The following ASIC2 variants were observed in gnomAD, a reference collection of about 807,000 sequenced individuals.
The protein encoded by ASIC2 is acid sensing ion channel subunit 2.
A neutral mutation model predicts 57.3 loss-of-function variants in ASIC2; 25 were observed. That is an observed-to-expected ratio of 0.44 (90% CI 0.32 to 0.61). The LOEUF is 0.61. Ranked by LOEUF, ASIC2 falls within the 20% of genes least tolerant of loss-of-function variation. The pLI is 0.06. For synonymous variants in ASIC2, 319 were observed against 307.5 expected (o/e 1.04, Z -0.39); for missense variants, 641 against 738.1 (o/e 0.87, Z 1.52).
intron 1 of ASIC2, among the ~76,000 whole-genome samples, chr17:33,289,686 G>C: frequency 6.6e-6 from 1 of 152,208 alleles, no homozygotes; most frequent in South Asian, 2.1e-4. Context: ...TTTTAAAAAT[G>C]GGAATAAAAC....
chr17:33,582,337 A>T (rs545310786), intron 1 of ASIC2, among the ~76,000 whole-genome samples: 1 of 152,364 alleles, frequency 6.6e-6, no homozygotes, highest in East Asian at 1.9e-4. Context: ...AAATGTTAAA[A>T]GGATAAGCAA....
chr17:34,105,850 C>G (rs945221883), intron 1 of ASIC2, among the ~76,000 whole-genome samples: 72 of 151,884 alleles, frequency 4.7e-4, no homozygotes, highest in African/African-American at 1.6e-3. Flanking sequence ...CAATGTGTTT[C>G]CCAAGAGTAG....
rs574546464 is a variant in ASIC2 at position 33,759,591 on chromosome 17, C to G, written c.555+396387G>C. On this transcript the variant is annotated intron_variant, in intron 1 of 9. Transcript: ENST00000359872. ...GCCATTTCAGAGATCTTTGAGGCTGCCCCTCCCATCACAGGTTCAGAGGCC... is the reference window on the plus strand; with the variant it reads ...GCCATTTCAGAGATCTTTGAGGCTGGCCCTCCCATCACAGGTTCAGAGGCC... 2.6e-5 allele frequency among the ~76,000 whole-genome samples: 4 copies of G among 152,158 alleles called. No homozygotes were observed. In the South Asian group the frequency reaches 8.3e-4, roughly 32 times the overall value.
At chr17:33,991,627 AG>A (rs1354593496) in intron 1 of ASIC2, among the ~76,000 whole-genome samples, 3 of 152,190 alleles carry the variant, frequency 2.0e-5, no homozygotes, top group Non-Finnish European at 4.4e-5. Flanking sequence ...GAATTCCCCA[AG>A]GCAATGCACT....
At position 33,291,798 on chromosome 17, in the gene ASIC2, G is replaced by T. The variant is rs1387995379; in HGVS notation, c.318C>A (p.Asn106Lys). 6.2e-7 allele frequency: 1 copy of T among 1,613,508 alleles called. No homozygotes were observed. Among genetic ancestry groups the T allele is most frequent in the Non-Finnish European group, 8.5e-7 (1 of 1,179,872 alleles). ...SFGLLLSWSS[N>K]RLLYWLSFPS... ...GGAAGCTGAGCCAGTAGAGCAAGCG[G>T]TTCGAGGACCAGGACAGCAGCAAGC... The change falls in exon 1 of 10, where the codon AAC becomes AAA. Residue 106 changes from asparagine to lysine, a missense_variant. Physicochemically the swap from Asn to Lys is moderately conservative, Grantham distance 94. Coordinates refer to ENST00000225823, the MANE Select transcript of ASIC2 (RefSeq NM_183377.2).
At chr17:33,183,165 C>T (rs780471567) in intron 1 of ASIC2, among the ~76,000 whole-genome samples, 17 of 152,226 alleles carry the variant, frequency 1.1e-4, no homozygotes, top group Non-Finnish European at 4.4e-5. Flanking sequence ...TGTAATCCCT[C>T]ATACTCGAAA....
At chr17:33,714,806 C>CTTTTTTTTTT (rs11323251) in intron 1 of ASIC2, among the ~76,000 whole-genome samples, 1 of 124,106 alleles carries the variant, frequency 8.1e-6, no homozygotes, top group Non-Finnish European at 1.7e-5. Flanking sequence ...ATTCTGTGAC[C>CTTTTTTTTTT]TTTTTTTTTT....
intron 1 of ASIC2, among the ~76,000 whole-genome samples, chr17:34,108,962 T>A (rs1294625278): frequency 6.6e-6 from 1 of 152,066 alleles, no homozygotes; most frequent in Non-Finnish European, 1.5e-5. Context: ...TGGTTAGTGG[T>A]GTTTGCATGG....
At chr17:33,020,725 G>T (rs1389894951) in intron 7 of ASIC2, among the ~76,000 whole-genome samples, 2 of 152,162 alleles carry the variant, frequency 1.3e-5, no homozygotes, top group Non-Finnish European at 2.9e-5. Flanking sequence ...AGTCCAGGGG[G>T]CAACACCTGG....
chr17:33,295,655 C>T (rs979815414), upstream of ASIC2, among the ~76,000 whole-genome samples: 4 of 152,138 alleles, frequency 2.6e-5, no homozygotes, highest in African/African-American at 9.7e-5. Flanking sequence ...GGGACTACAC[C>T]TCCTTCATAT....
intron 1 of ASIC2, among the ~76,000 whole-genome samples, chr17:33,385,520 A>G (rs2141949070): frequency 6.6e-6 from 1 of 152,342 alleles, no homozygotes; most frequent in South Asian, 2.1e-4. Flanking sequence ...GCATTTTAAC[A>G]ACTTTCATTA....
chr17:33,776,330 A>G (rs973292353), intron 1 of ASIC2, among the ~76,000 whole-genome samples: 1 of 152,168 alleles, frequency 6.6e-6, no homozygotes, highest in African/African-American at 2.4e-5. Context: ...CCTGTCTGCC[A>G]TGTAAGGTTA....
chr17:34,137,573 C>T (rs575809862), intron 1 of ASIC2, among the ~76,000 whole-genome samples: 7 of 152,318 alleles, frequency 4.6e-5, no homozygotes, highest in Non-Finnish European at 7.3e-5. Flanking sequence ...TCTTTGTGTC[C>T]GTTGGGTGTT....
chr17:33,738,904 C>G (rs948410691), intron 1 of ASIC2, among the ~76,000 whole-genome samples: 5 of 152,178 alleles, frequency 3.3e-5, no homozygotes, highest in African/African-American at 7.2e-5. Context: ...TGCTCCCACC[C>G]TAGGAAGCTT....
At chr17:33,118,796 C>A (rs1255637699) in intron 1 of ASIC2, among the ~76,000 whole-genome samples, 2 of 152,096 alleles carry the variant, frequency 1.3e-5, no homozygotes, top group African/African-American at 4.8e-5. Context: ...TTCCTCGAAG[C>A]CTTCTGTTTG....
chr17:33,378,278 TA>T (rs1410402921), intron 1 of ASIC2, among the ~76,000 whole-genome samples: 1 of 152,266 alleles, frequency 6.6e-6, no homozygotes, highest in African/African-American at 2.4e-5. Context: ...CTCTGCTAGC[TA>T]AACATTGTGG....
chr17:33,112,311 C>T (rs1273088895), intron 1 of ASIC2, among the ~76,000 whole-genome samples: 1 of 152,174 alleles, frequency 6.6e-6, no homozygotes, highest in Non-Finnish European at 1.5e-5. Flanking sequence ...GATCTGGTCT[C>T]TTCTTCCTCT....
chr17:33,411,797 G>A (rs1437547991), intron 1 of ASIC2, among the ~76,000 whole-genome samples: 4 of 152,192 alleles, frequency 2.6e-5, no homozygotes, highest in Non-Finnish European at 4.4e-5. Flanking sequence ...ACCATGATGA[G>A]TCTCAGCTTC....
chr17:33,983,491 G>T (rs1403016059), intron 1 of ASIC2, among the ~76,000 whole-genome samples: 1 of 152,178 alleles, frequency 6.6e-6, no homozygotes, highest in African/African-American at 2.4e-5. Context: ...TCAGGTACCA[G>T]ATATGGAGCC....
Sources: gnomAD v4.1 joint callset for allele counts (sites outside exome capture counted in the v4.1 genomes callset) on GRCh38, gnomAD v4.1.1 for gene constraint, MANE v1.5 for transcripts, NCBI Gene and HGNC (gene_info 2026-07-23, HGNC 2026-07-21) for gene names.